Variants in UNC93B1 observed in about 807,000 individuals in gnomAD.
The protein encoded by UNC93B1 is unc-93B1 regulator of TLR signaling.
Under a neutral mutation model 56.8 loss-of-function variants are expected in UNC93B1, and 33 were observed. The ratio of observed to expected loss-of-function variants is 0.58; its 90% confidence interval spans 0.44 to 0.78. The LOEUF is 0.78. UNC93B1 is among the 30% of genes least tolerant of loss of function. The pLI is 0.00. For synonymous variants in UNC93B1, 334 were observed against 358.6 expected (o/e 0.93, Z 0.77); for missense variants, 673 against 819.5 (o/e 0.82, Z 2.18).
intron 9 of UNC93B1, among the ~76,000 whole-genome samples, chr11:67,994,311 G>A (rs1328671330): frequency 6.6e-6 from 1 of 152,234 alleles, no homozygotes; most frequent in Non-Finnish European, 1.5e-5. Flanking sequence ...TCTCAGGGCT[G>A]TAATGTTGGC....
In UNC93B1 at chr11:67,991,635, G is replaced by A; in HGVS notation, c.1705C>T (p.Pro569Ser). The change falls in exon 11 of 11, where the codon CCC (proline) becomes TCC (serine). Residue 569 changes from proline to serine, a missense_variant. Physicochemically the swap from Pro to Ser is moderately conservative, Grantham distance 74. Coordinates refer to ENST00000227471, the MANE Select transcript of UNC93B1 (RefSeq NM_030930.4). ...CCAGCGGGCTCGGGGCCAGGCCTGG[G>A]CCCTGCGGGCGGCGCCTCCTCCTCC... ...GAEEEAPPAG[P>S]RPGPEPAGLG... 1 of 1,521,970 alleles carries A rather than the reference G, an allele frequency of 6.6e-7. No homozygotes were observed. Among genetic ancestry groups the A allele is most frequent in the South Asian group, 1.2e-5 (1 of 82,662 alleles). The allele number at this position is 1,521,970 out of a possible 1,614,324, so 94.3% of individuals were successfully genotyped here.
At chr11:67,998,888 C>G (rs1471843487) in intron 5 of UNC93B1, among the ~76,000 whole-genome samples, 1 of 151,750 alleles carries the variant, frequency 6.6e-6, no homozygotes, top group Middle Eastern at 3.2e-3. Flanking sequence ...CAGTGCAAGA[C>G]CCTGCCCCCA....
At position 68,003,668 on chromosome 11, in the gene UNC93B1, C is replaced by A; in HGVS notation, c.227G>T (p.Gly76Val). 4 of 1,528,544 alleles carry A rather than the reference C, an allele frequency of 2.6e-6. No individual in the cohort carries two copies. The highest frequency in any genetic ancestry group is 3.5e-6 in the Non-Finnish European group (4 of 1,143,050). 94.7% of individuals were successfully genotyped at this position (1,528,544 alleles called of 1,614,324 possible). A position where few individuals can be genotyped will look rare whatever the true frequency, so the allele number is the denominator to read the frequency against. Residue 76 changes from glycine (G) to valine (V), a missense_variant, in exon 2 of 11, where the codon GGC (glycine) becomes GTC (valine). By Grantham distance (109) the Gly-to-Val change is moderately radical (BLOSUM62 -3). Coordinates refer to ENST00000227471, the MANE Select transcript of UNC93B1 (RefSeq NM_030930.4). This position sits in a 1 kb window ranked among gnomAD's most constrained non-coding sequence, Gnocchi z 4.4. ...AASAGGMLTY[G>V]VYLGLLQMQL... ...CGAGCGGCACCTACCCAGGTAGACG[C>A]CGTAGGTGAGCATGCCCCCGGCGCT...
Position 67,995,989 on chromosome 11 carries a change from C to G in UNC93B1, c.1090-105G>C. ...GCCTCACCCCCCTGCGATGGGGGTC[C>G]TAAGAGCCAGGGGGGAAGAGGGTCT... On this transcript the variant is annotated intron_variant, in intron 8 of 10. Coordinates refer to ENST00000227471, the MANE Select transcript of UNC93B1 (RefSeq NM_030930.4). 4.8e-6 allele frequency: 5 copies of G among 1,042,258 alleles called. No homozygotes were observed. In the South Asian group the frequency reaches 1.0e-4, roughly 22 times the overall value. The allele number at this position is 1,042,258 out of a possible 1,614,324, so 64.6% of individuals were successfully genotyped here.
intron 3 of UNC93B1, among the ~76,000 whole-genome samples, chr11:68,001,892 C>T (rs558747092): frequency 4.1e-4 from 62 of 152,098 alleles, no homozygotes; most frequent in African/African-American, 9.9e-4. Flanking sequence ...GCCTGTAATC[C>T]CAGCACTTTG....
chr11:67,997,540 C>T, intron 7 of UNC93B1, 135 bp downstream of exon 7: 3 of 1,462,346 alleles, frequency 2.1e-6, no homozygotes, highest in Non-Finnish European at 2.7e-6. Context: ...AGATCGCGCT[C>T]CCAGGCCTAC....
At chr11:67,992,344 C>T (rs4014623) in intron 10 of UNC93B1, among the ~76,000 whole-genome samples, 3 of 152,074 alleles carry the variant, frequency 2.0e-5, no homozygotes, top group Admixed American at 6.5e-5. Context: ...CAGACACGGT[C>T]GCTCCGTTTC....
intron 7 of UNC93B1, 59 bp downstream of exon 7, chr11:67,997,616 T>A (rs1390594585): frequency 1.1e-5 from 17 of 1,593,972 alleles, no homozygotes; most frequent in Non-Finnish European, 1.4e-5. Flanking sequence ...TCTCGCAGAC[T>A]CGGTCCCCAG....
chr11:67,999,954 A>G (rs1857019460), intron 3 of UNC93B1, among the ~76,000 whole-genome samples: 1 of 152,190 alleles, frequency 6.6e-6, no homozygotes, highest in Admixed American at 6.5e-5. Context: ...CATGGGTGTA[A>G]CCAGCCCTCA....
rs1180798017 is a variant in UNC93B1, at chr11:67,997,776, T to C, written c.805A>G (p.Ser269Gly). ...SCGTNSHGIL[S>G]GFNKTVLRTL... ...CGCAGAACCGTCTTGTTGAAGCCGC[T>C]GAGGATCCCGTGGCTGTTGGTGCCT... The change falls in exon 7 of 11, where the codon AGC (serine) becomes GGC (glycine). Residue 269 changes from serine to glycine, a missense_variant. Physicochemically the swap from Ser to Gly is moderately conservative, Grantham distance 56 (BLOSUM62 0). Around this residue, in one of 3 missense-constraint regions of UNC93B1, gnomAD observed 438 missense variants for 465.9 expected, o/e 0.94. Transcript: ENST00000227471. 6.2e-7 allele frequency: 1 copy of C among 1,609,526 alleles called. No individual in the cohort carries two copies. Among genetic ancestry groups the C allele is most frequent in the South Asian group, 1.1e-5 (1 of 90,912 alleles).
At chr11:67,996,028 C>T (rs1285687681) in intron 8 of UNC93B1, 144 bp from the exon 9 acceptor site, 3 of 592,804 alleles carry the variant, frequency 5.1e-6, no homozygotes, top group Non-Finnish European at 7.9e-6. Flanking sequence ...TCTTACTCCC[C>T]GCATCGTGGG....
chr11:67,998,239 C>G, intron 6 of UNC93B1, 120 bp downstream of exon 6: 1 of 1,177,988 alleles, frequency 8.5e-7, no homozygotes, highest in South Asian at 1.3e-5. Flanking sequence ...CTGTGTCTTG[C>G]CCACCAGAGC....
intron 7 of UNC93B1, 65 bp from the exon 8 acceptor site, chr11:67,996,849 C>T: frequency 1.4e-6 from 2 of 1,445,462 alleles, no homozygotes; most frequent in South Asian, 2.9e-5. Context: ...GCTTCAGCCC[C>T]GCCCTTCAGA....
Position 68,003,500 on chromosome 11 carries a change from C to G in UNC93B1, c.238+157G>C, listed in dbSNP as rs1233954963. On this transcript the variant is annotated intron_variant, in intron 2 of 10. Coordinates refer to ENST00000227471, the MANE Select transcript of UNC93B1 (RefSeq NM_030930.4). The surrounding 1 kb of genome is among the most constrained non-coding windows in gnomAD (Gnocchi z 4.4). Reference sequence around the variant, plus strand: ...ACCCGGGGACGCTGCGCTACTTGACCCCCCAACCCCACCCCCGCCGCGGGG... The same window carrying G: ...ACCCGGGGACGCTGCGCTACTTGACGCCCCAACCCCACCCCCGCCGCGGGG... The G allele has an allele frequency of 4.2e-6, 5 of 1,178,378 alleles. No homozygotes were observed. Among genetic ancestry groups the G allele is most frequent in the Non-Finnish European group, 5.6e-6 (5 of 888,966 alleles). 73.0% of individuals were successfully genotyped at this position (1,178,378 alleles called of 1,614,324 possible).
At chr11:67,997,433 G>A in intron 7 of UNC93B1, 1 of 593,134 alleles carries the variant, frequency 1.7e-6, no homozygotes, top group Non-Finnish European at 2.9e-6. Context: ...CCTTCCCCTG[G>A]CCTCTGGATG....
In UNC93B1 at chr11:67,995,867, C is replaced by G; in HGVS notation, c.1107G>C (p.Ser369=). The G allele has an allele frequency of 3.9e-6, 6 of 1,529,154 alleles. No individual in the cohort carries two copies. The highest frequency in any genetic ancestry group is 5.3e-6 in the Non-Finnish European group (6 of 1,140,400). 94.7% of individuals were successfully genotyped at this position (1,529,154 alleles called of 1,614,324 possible). The change falls in exon 9 of 11, where the codon TCG becomes TCC. Residue 369 remains serine, a synonymous_variant. Transcript: ENST00000227471. ...TGIALGYGVC[S]VGLERLAYLL... ...GGTAAGCCAGCCGCTCCAGCCCCACCGAGCACACGCCATAGCCCTGCGGGG... is the reference window on the plus strand; with the variant it reads ...GGTAAGCCAGCCGCTCCAGCCCCACGGAGCACACGCCATAGCCCTGCGGGG...
intron 3 of UNC93B1, 31 bp downstream of exon 3, chr11:68,002,991 C>A (rs754723211): frequency 1.3e-6 from 2 of 1,584,804 alleles, no homozygotes; most frequent in Admixed American, 3.6e-5. Context: ...ATGGGAGTAC[C>A]GCAGCATCCC....
At chr11:67,994,747 A>C (rs1808225) in intron 9 of UNC93B1, among the ~76,000 whole-genome samples, 285 of 152,350 alleles carry the variant, frequency 1.9e-3, no homozygotes, top group South Asian at 7.7e-3. Flanking sequence ...ACAGAGACAC[A>C]GAGCCAGCCT....
In UNC93B1 at chr11:67,991,307, A is replaced by C. The variant is rs182840333; in HGVS notation, c.*239T>G. ...GCGTGCTAAGGGCCCGCGGGGTTTC[A>C]GCTGTATTTTCGAACCCCTGTGCTT... On this transcript the variant is annotated 3_prime_UTR_variant, in exon 11 of 11. Transcript: ENST00000227471. 3,012 of 413,100 alleles carry C rather than the reference A, an allele frequency of 7.3e-3. 58 individuals carry two copies. Among genetic ancestry groups the C allele is most frequent in the African/African-American group, 0.048 (2,290 of 48,040 alleles). 25.6% of individuals were successfully genotyped at this position (413,100 alleles called of 1,614,324 possible). A position where few individuals can be genotyped will look rare whatever the true frequency, so the allele number is the denominator to read the frequency against.
Sources: gnomAD v4.1 joint callset for allele counts (sites outside exome capture counted in the v4.1 genomes callset) on GRCh38, gnomAD v4.1.1 for gene constraint, gnomAD v4.1.1 regional missense constraint, Gnocchi (gnomAD v3.1) non-coding constraint, MANE v1.5 for transcripts, NCBI Gene and HGNC (gene_info 2026-07-23, HGNC 2026-07-21) for gene names.